SUGP1: variants seen among roughly 807,000 people sequenced by gnomAD.
The protein encoded by SUGP1 is SURP and G-patch domain-containing protein 1.
In SUGP1, 34 loss-of-function variants were observed where a neutral mutation model predicts 76.5. The ratio of observed to expected loss-of-function variants is 0.44; its 90% CI spans 0.34 to 0.59. The LOEUF (loss-of-function observed/expected upper bound fraction) is 0.59. Ranked by LOEUF, SUGP1 falls within the 20% of genes least tolerant of loss-of-function variation. The pLI is 0.01. For synonymous variants in SUGP1, 326 were observed against 326.2 expected (o/e 1.00, Z 0.01); for missense variants, 752 against 851.7 (o/e 0.88, Z 1.46).
intron 7 of SUGP1, among the ~76,000 whole-genome samples, chr19:19,300,887 G>A (rs2061266635): frequency 6.6e-6 from 1 of 152,134 alleles, no homozygotes; most frequent in South Asian, 2.1e-4. Context: ...CTGACATCAG[G>A]GGTGAGGCTG....
intron 7 of SUGP1, among the ~76,000 whole-genome samples, chr19:19,299,438 T>C (rs2061254098): frequency 6.6e-6 from 1 of 152,112 alleles, no homozygotes; most frequent in Non-Finnish European, 1.5e-5. Flanking sequence ...AGTGGCACAA[T>C]CTCAGCTCAC....
chr19:19,312,287 C>G (rs1898100466), intron 2 of SUGP1, among the ~76,000 whole-genome samples: 1 of 152,106 alleles, frequency 6.6e-6, no homozygotes, highest in African/African-American at 2.4e-5. Context: ...TGTCTCCCTA[C>G]TTTGCAACAG....
chr19:19,276,586 G>A lies in SUGP1; in HGVS notation c.*62C>T. 2 of 1,604,728 alleles carry A rather than the reference G, an allele frequency of 1.2e-6. No homozygotes were observed. The highest frequency in any genetic ancestry group is 2.2e-5 in the East Asian group (1 of 44,838). On this transcript the variant is annotated 3_prime_UTR_variant, in exon 14 of 14. Transcript: ENST00000247001. ...ACGGAAGGGGTGGGCAGAAATGCAG[G>A]CCGGAACATTCCACAGTCCAGGGAC...
At position 19,310,124 on chromosome 19, in the gene SUGP1, T is replaced by G; in HGVS notation, c.283A>C (p.Lys95Gln). 6.2e-7 allele frequency: 1 copy of G among 1,613,624 alleles called. No individual in the cohort carries two copies. The highest frequency in any genetic ancestry group is 8.5e-7 in the Non-Finnish European group (1 of 1,179,658). ...NDGSFLQQFL[K>Q]LQKAQTSTDA... ...GTGCTGGTCTGTGCCTTCTGCAACT[T>G]CAGAAACTGCTGCAAGAAGCTACCA... The change falls in exon 3 of 14, where the codon AAG becomes CAG. Residue 95 changes from lysine (K) to glutamine (Q), a missense_variant. Coordinates refer to ENST00000247001, the MANE Select transcript of SUGP1 (RefSeq NM_172231.4).
intron 7 of SUGP1, 168 bp downstream of exon 7, chr19:19,302,097 A>G (rs890497359): frequency 3.7e-6 from 4 of 1,067,556 alleles, no homozygotes; most frequent in Non-Finnish European, 5.4e-6. Context: ...TGCGTGGGAC[A>G]TGCCTGTGGG....
At chr19:19,306,839 T>C (rs373910332) in intron 3 of SUGP1, among the ~76,000 whole-genome samples, 1 of 152,340 alleles carries the variant, frequency 6.6e-6, no homozygotes, top group African/African-American at 2.4e-5. Context: ...CCAGCCATTC[T>C]AGCCCACACT....
At chr19:19,306,143 C>T (rs1280704524) in intron 3 of SUGP1, 67 bp from the exon 4 acceptor site, 2 of 1,415,190 alleles carry the variant, frequency 1.4e-6, no homozygotes, top group East Asian at 2.6e-5. Context: ...TCCGACCTAA[C>T]CTAGGTGCTG....
intron 8 of SUGP1, among the ~76,000 whole-genome samples, chr19:19,283,112 A>G (rs1480869784): frequency 6.6e-6 from 1 of 152,014 alleles, no homozygotes; most frequent in Non-Finnish European, 1.5e-5. Context: ...CAATGAATGT[A>G]TAAGATATAT....
chr19:19,303,964 G>A lies in SUGP1; in HGVS notation c.539-117C>T, dbSNP rs764667483. On this transcript the variant is annotated intron_variant, in intron 4 of 13. Coordinates refer to ENST00000247001, the MANE Select transcript of SUGP1 (RefSeq NM_172231.4). ...GGGGGGAGAAGAGTGTGAGATGCAG[G>A]AGGCTGTCGGGCGTCCCGAGTCCAG... is the stretch of plus-strand genomic sequence containing the variant. The A allele has an allele frequency of 5.0e-6, 8 of 1,598,286 alleles. No homozygotes were observed. The East Asian group carries it at 1.1e-4, about 22-fold the overall frequency.
intron 8 of SUGP1, 57 bp from the exon 9 acceptor site, chr19:19,280,348 C>T: frequency 6.7e-7 from 1 of 1,494,236 alleles, no homozygotes; most frequent in Non-Finnish European, 9.3e-7. Flanking sequence ...CGATCTCGCT[C>T]CTGCGCTGGG....
intron 8 of SUGP1, among the ~76,000 whole-genome samples, chr19:19,285,251 C>T (rs140761635): frequency 0.025 from 3,613 of 146,610 alleles, 148 homozygotes; most frequent in African/African-American, 0.09. Context: ...CTGCAACCTC[C>T]GCCTCCTGGG....
chr19:19,297,039 G>C lies in SUGP1; in HGVS notation c.1193C>G (p.Pro398Arg). ...GPEEDKVELP[P>R]AELVQRDVDA... ...CACGTCCCTCTGCACCAGTTCAGCAGGTGGGAGCTCTACCTTATCCTCTTC... is the reference window on the plus strand; with the variant it reads ...CACGTCCCTCTGCACCAGTTCAGCACGTGGGAGCTCTACCTTATCCTCTTC... The change falls in exon 8 of 14, where the codon CCT becomes CGT. Residue 398 changes from proline to arginine, a missense_variant. Pro to Arg is a moderately radical substitution (Grantham distance 103). Transcript: ENST00000247001. 6.2e-7 allele frequency: 1 copy of C among 1,605,392 alleles called. No individual in the cohort carries two copies. The highest frequency in any genetic ancestry group is 8.5e-7 in the Non-Finnish European group (1 of 1,174,178).
chr19:19,284,460 TAAAAA>T (rs879445979), intron 8 of SUGP1, among the ~76,000 whole-genome samples: 1 of 144,370 alleles, frequency 6.9e-6, no homozygotes, highest in Non-Finnish European at 1.5e-5. Context: ...GGACCACTGT[TAAAAA>T]AAAAAAAAGA....
chr19:19,318,121 T>C (rs1419310185), intron 1 of SUGP1, among the ~76,000 whole-genome samples: 8 of 143,806 alleles, frequency 5.6e-5, no homozygotes, highest in Admixed American at 5.5e-4. Context: ...TTCTTTTTTT[T>C]TTTTTTTTTT....
At chr19:19,299,689 T>C (rs2146612117) in intron 7 of SUGP1, among the ~76,000 whole-genome samples, 1 of 152,020 alleles carries the variant, frequency 6.6e-6, no homozygotes, top group Middle Eastern at 3.4e-3. Context: ...GCCTACTGAC[T>C]TTTCATTACA....
At position 19,277,878 on chromosome 19, in the gene SUGP1, T is replaced by G. The variant is rs1331465159; in HGVS notation, c.1637A>C (p.Glu546Ala). ...KFMETFKALKEGREPDYSEYK... is the reference protein window; with the variant it reads ...KFMETFKALKAGREPDYSEYK... ...CTCTGAGTAGTCAGGCTCACGGCCC[T>G]CCTGCAAGGTGAGGAGGTAGCTGTC... is the stretch of plus-strand genomic sequence containing the variant. Residue 546 changes from glutamate (E) to alanine (A), a missense_variant and splice_region_variant, in exon 12 of 14, where the codon GAG becomes GCG. Transcript: ENST00000247001. The G allele has an allele frequency of 6.2e-7, 1 of 1,613,452 alleles. No homozygotes were observed. The highest frequency in any genetic ancestry group is 8.5e-7 in the Non-Finnish European group (1 of 1,179,780).
At chr19:19,303,324 C>G (rs763242431) in intron 6 of SUGP1, 24 bp downstream of exon 6, 2 of 1,604,474 alleles carry the variant, frequency 1.2e-6, no homozygotes, top group African/African-American at 2.7e-5. Flanking sequence ...TCCCCAGAAT[C>G]TCCCACCCGC....
intron 3 of SUGP1, among the ~76,000 whole-genome samples, chr19:19,308,875 T>TC (rs1440121427): frequency 2.0e-5 from 3 of 152,188 alleles, no homozygotes; most frequent in Non-Finnish European, 4.4e-5. Context: ...GGTAATTTTT[T>TC]TTTTTTTTGA....
In SUGP1 at chr19:19,305,883, C is replaced by T. The variant is rs752906836; in HGVS notation, c.504G>A (p.Glu168=). The change falls in exon 4 of 14, where the codon GAG becomes GAA. Residue 168 remains glutamate, a synonymous_variant. Coordinates refer to ENST00000247001, the MANE Select transcript of SUGP1 (RefSeq NM_172231.4). ...PSVFQSPDED[E]EEDYEQWLEI... is the part of the protein sequence containing the mutation. Reference sequence around the variant, plus strand: ...CCAGCCACTGCTCATAGTCCTCCTCCTCGTCCTCGTCAGGGGACTGGAAGA... The same window carrying T: ...CCAGCCACTGCTCATAGTCCTCCTCTTCGTCCTCGTCAGGGGACTGGAAGA... 6 of 1,612,940 alleles carry T rather than the reference C, an allele frequency of 3.7e-6. No individual in the cohort carries two copies. In the East Asian group the frequency reaches 1.3e-4, roughly 36 times the overall value.
Sources: allele counts gnomAD v4.1 joint callset (sites outside exome capture counted in the v4.1 genomes callset), GRCh38; gene constraint gnomAD v4.1.1; transcripts MANE v1.5; gene names NCBI Gene and HGNC (gene_info 2026-07-23, HGNC 2026-07-21).